LRRC8D: variants seen among roughly 807,000 people sequenced by gnomAD.
LRRC8D encodes leucine rich repeat containing 8 VRAC subunit D.
In LRRC8D, 20 loss-of-function variants were observed where a neutral mutation model predicts 55.8. The ratio of observed to expected loss-of-function variants is 0.36; its 90% confidence interval spans 0.25 to 0.52. The LOEUF (loss-of-function observed/expected upper bound fraction) is 0.52. Among genes scored for constraint, LRRC8D ranks in the 20% least tolerant of loss-of-function variants. The pLI is 0.93. For synonymous variants in LRRC8D, 352 were observed against 377.0 expected (o/e 0.93, Z 0.77); for missense variants, 651 against 1,030.8 (o/e 0.63, Z 5.05).
chr1:89,904,048 C>G (rs962448884), intron 2 of LRRC8D, among the ~76,000 whole-genome samples: 1 of 152,158 alleles, frequency 6.6e-6, no homozygotes, highest in Non-Finnish European at 1.5e-5. Flanking sequence ...TCCCCCTACT[C>G]AGGATTCAAG....
intron 2 of LRRC8D, among the ~76,000 whole-genome samples, chr1:89,895,641 A>G (rs1383530802): frequency 1.3e-5 from 2 of 152,240 alleles, no homozygotes; most frequent in African/African-American, 4.8e-5. Flanking sequence ...TTCATATATA[A>G]TATTTCATTT....
intron 2 of LRRC8D, among the ~76,000 whole-genome samples, chr1:89,916,313 G>A (rs922708951): frequency 2.0e-5 from 3 of 152,198 alleles, no homozygotes; most frequent in Non-Finnish European, 2.9e-5. Context: ...ACAAATAGAT[G>A]CTAAGTACTT....
At chr1:89,836,068 C>G (rs975680529) in intron 1 of LRRC8D, among the ~76,000 whole-genome samples, 2 of 152,200 alleles carry the variant, frequency 1.3e-5, no homozygotes, top group Admixed American at 6.5e-5. Context: ...AGAATCTCTT[C>G]CTGCATATTG....
intron 2 of LRRC8D, among the ~76,000 whole-genome samples, chr1:89,871,333 G>A (rs745352217): frequency 3.3e-5 from 5 of 152,124 alleles, no homozygotes; most frequent in Non-Finnish European, 7.4e-5. Context: ...GATTACTTGC[G>A]GTTGAATCGG....
At chr1:89,923,224 A>G (rs1336324393) in intron 2 of LRRC8D, among the ~76,000 whole-genome samples, 1 of 152,228 alleles carries the variant, frequency 6.6e-6, no homozygotes, top group Non-Finnish European at 1.5e-5. Context: ...TGGAATGTGA[A>G]ATCCACTTCC....
intron 2 of LRRC8D, among the ~76,000 whole-genome samples, chr1:89,910,896 A>G (rs2100940443): frequency 6.6e-6 from 1 of 152,248 alleles, no homozygotes; most frequent in African/African-American, 2.4e-5. Context: ...TTTTCCTGTA[A>G]ATATGCCAGC....
intron 2 of LRRC8D, among the ~76,000 whole-genome samples, chr1:89,896,992 G>A (rs1662729761): frequency 6.6e-6 from 1 of 152,178 alleles, no homozygotes; most frequent in Non-Finnish European, 1.5e-5. Flanking sequence ...TTTGCAGATG[G>A]GGGTGCTGAT....
At chr1:89,873,983 G>A (rs1303356208) in intron 2 of LRRC8D, among the ~76,000 whole-genome samples, 1 of 152,250 alleles carries the variant, frequency 6.6e-6, no homozygotes, top group South Asian at 2.1e-4. Context: ...ACCACATGTA[G>A]CAGTAAATGT....
rs774056977 is a variant in LRRC8D at position 89,933,220 on chromosome 1, A to T, written c.152A>T (p.Gln51Leu). 14 of 1,614,082 alleles carry T rather than the reference A, an allele frequency of 8.7e-6. No individual in the cohort carries two copies. ...FAGTMQLTKD[Q>L]VVCLPVLPSP... ...GGAACCATGCAACTTACCAAAGATC[A>T]GGTGGTCTGTTTGCCAGTATTGCCA... Residue 51 changes from glutamine (Q) to leucine (L), a missense_variant, in exon 3 of 3, where the codon CAG becomes CTG. This residue lies in a region of LRRC8D where 118 missense variants were observed against 138.0 expected (regional missense o/e 0.85). Transcript: ENST00000337338. The surrounding 1 kb of genome is among the most constrained non-coding windows in gnomAD (Gnocchi z 7.0).
intron 2 of LRRC8D, among the ~76,000 whole-genome samples, chr1:89,844,270 G>A (rs1661218621): frequency 6.6e-6 from 1 of 152,204 alleles, no homozygotes; most frequent in African/African-American, 2.4e-5. Context: ...AGGTGGACAG[G>A]AGAAAAGAAT....
At chr1:89,881,271 C>T (rs1178201108) in intron 2 of LRRC8D, among the ~76,000 whole-genome samples, 1 of 152,176 alleles carries the variant, frequency 6.6e-6, no homozygotes, top group Non-Finnish European at 1.5e-5. Flanking sequence ...GGAAATTCTC[C>T]TTCGATTGCA....
rs1375483807 is a variant in LRRC8D, at chr1:89,935,289, A to G, written c.2221A>G (p.Ile741Val). Reference protein sequence around the residue: ...LRCLDVSYNNISMIPIEIGLL... With the variant: ...LRCLDVSYNNVSMIPIEIGLL... ...ATGCTTAGATGTGAGCTACAACAAC[A>G]TTTCAATGATTCCAATAGAAATAGG... Residue 741 changes from isoleucine to valine, a missense_variant, in exon 3 of 3, where the codon ATT becomes GTT. Ile to Val is a conservative substitution (Grantham distance 29, BLOSUM62 3). Transcript: ENST00000337338. The G allele has an allele frequency of 1.2e-6, 2 of 1,614,236 alleles. No homozygotes were observed. The highest frequency in any genetic ancestry group is 4.5e-5 in the East Asian group (2 of 44,890).
At chr1:89,878,042 G>C (rs1293694860) in intron 2 of LRRC8D, among the ~76,000 whole-genome samples, 2 of 152,144 alleles carry the variant, frequency 1.3e-5, no homozygotes, top group African/African-American at 4.8e-5. Context: ...GATAGAAATT[G>C]AAAAATGAAA....
intron 2 of LRRC8D, among the ~76,000 whole-genome samples, chr1:89,905,119 TAAAA>T (rs1662957659): frequency 6.6e-6 from 1 of 152,154 alleles, no homozygotes; most frequent in East Asian, 1.9e-4. Flanking sequence ...TCAGCACACA[TAAAA>T]GAAGCCTCTT....
At chr1:89,839,297 T>G (rs1456874980) in intron 1 of LRRC8D, among the ~76,000 whole-genome samples, 1 of 152,136 alleles carries the variant, frequency 6.6e-6, no homozygotes, top group East Asian at 1.9e-4. Context: ...GCAAGGTGTG[T>G]GGGTTCATTG....
chr1:89,901,971 C>T (rs1162803885), intron 2 of LRRC8D, among the ~76,000 whole-genome samples: 1 of 152,232 alleles, frequency 6.6e-6, no homozygotes, highest in Non-Finnish European at 1.5e-5. Flanking sequence ...TTTCTCTGTA[C>T]TGGCCTCATG....
intron 2 of LRRC8D, among the ~76,000 whole-genome samples, chr1:89,883,632 T>C (rs1036476179): frequency 1.3e-4 from 20 of 152,120 alleles, no homozygotes; most frequent in African/African-American, 7.2e-5. Flanking sequence ...TTAAAATCAC[T>C]AACTGTGGGG....
intron 2 of LRRC8D, among the ~76,000 whole-genome samples, chr1:89,921,771 T>C (rs1663426302): frequency 6.6e-6 from 1 of 152,196 alleles, no homozygotes; most frequent in African/African-American, 2.4e-5. Context: ...CTTGAACTCC[T>C]GACCTCAGGT....
chr1:89,902,477 G>A (rs937377588), intron 2 of LRRC8D, among the ~76,000 whole-genome samples: 9 of 152,060 alleles, frequency 5.9e-5, no homozygotes, highest in African/African-American at 1.9e-4. Context: ...CCACTGAGAA[G>A]AATGACCAAG....
Sources: allele counts gnomAD v4.1 joint callset (sites outside exome capture counted in the v4.1 genomes callset), GRCh38; gene constraint gnomAD v4.1.1; regional missense constraint gnomAD v4.1.1; non-coding constraint Gnocchi (gnomAD v3.1); transcripts MANE v1.5; gene names NCBI Gene and HGNC (gene_info 2026-07-23, HGNC 2026-07-21).